ABHD1: variants seen among roughly 807,000 people sequenced by gnomAD.
ABHD1 encodes abhydrolase domain containing 1.
A neutral mutation model predicts 41.4 loss-of-function variants in ABHD1; 47 were observed. The observed-to-expected ratio is 1.13, with a 90% confidence interval of 0.90 to 1.45. ABHD1 has a LOEUF of 1.45. Ranked by LOEUF, ABHD1 falls within the 40% of genes most tolerant of loss-of-function variation. The probability of loss-of-function intolerance (pLI) is 0.00; values close to 1 mark genes in which losing one functional copy is unlikely to be tolerated. For missense variants in ABHD1, 550 were observed against 503.4 expected (o/e 1.09, Z -0.89); for synonymous variants, 205 against 203.7 (o/e 1.01, Z -0.05).
chr2:27,124,654 G>C (rs1671882434), intron 1 of ABHD1: 2 of 199,744 alleles, frequency 1.0e-5, no homozygotes, highest in Non-Finnish European at 2.1e-5. Context: ...CTGAAATTTA[G>C]ATATATACAT....
At chr2:27,129,216 T>C in intron 3 of ABHD1, 89 bp downstream of exon 3, 4 of 1,594,242 alleles carry the variant, frequency 2.5e-6, no homozygotes, top group Non-Finnish European at 2.6e-6. Context: ...ATAAGAAGAA[T>C]GCTACACAAA....
intron 1 of ABHD1, chr2:27,124,449 A>AC (rs1253547677): frequency 1.7e-5 from 6 of 359,804 alleles, no homozygotes; most frequent in East Asian, 1.5e-4. Context: ...AATACCACCC[A>AC]CCCCCCAAAT....
intron 2 of ABHD1, 28 bp downstream of exon 2, chr2:27,128,629 T>C: frequency 6.2e-7 from 1 of 1,608,422 alleles, no homozygotes; most frequent in Non-Finnish European, 8.5e-7. Context: ...AGGGTGAACA[T>C]GAAACCCCAG....
In ABHD1 at chr2:27,130,574, C is replaced by T; in HGVS notation, c.1048C>T (p.Leu350=). 1 of 1,614,236 alleles carries T rather than the reference C, an allele frequency of 6.2e-7. No homozygotes were observed. Among genetic ancestry groups the T allele is most frequent in the Non-Finnish European group, 8.5e-7 (1 of 1,180,058 alleles). The change falls in exon 9 of 9, where the codon CTG becomes TTG. Residue 350 remains leucine (L), a synonymous_variant. Coordinates refer to ENST00000316470, the MANE Select transcript of ABHD1 (RefSeq NM_032604.4). ...QAAQHSPYVA[L]LITARGGHIG... ...CGCCCAACACTCCCCCTACGTTGCG[C>T]TGCTCATCACAGCCCGGGGTGGCCA...
chr2:27,128,121 T>C (rs1672049935), intron 1 of ABHD1, among the ~76,000 whole-genome samples: 1 of 152,140 alleles, frequency 6.6e-6, no homozygotes, highest in African/African-American at 2.4e-5. Flanking sequence ...GCTGTTTACA[T>C]CACCTGCTCT....
rs1476601241 is a variant in ABHD1, at chr2:27,128,518, C to T, written c.192C>T (p.Tyr64=). The change falls in exon 2 of 9, where the codon TAC becomes TAT. Residue 64 remains tyrosine (Y), a synonymous_variant. Transcript: ENST00000316470. ...PHCSITTETF[Y]PTLWCFEGRL... ...GTTCCATCACCACCGAGACTTTCTA[C>T]CCAACGCTGTGGTGTTTTGAGGGGC... 1.9e-6 allele frequency: 3 copies of T among 1,614,038 alleles called. No homozygotes were observed. The highest frequency in any genetic ancestry group is 1.3e-5 in the African/African-American group (1 of 74,922).
chr2:27,130,489 C>A lies in ABHD1; in HGVS notation c.1007-44C>A, dbSNP rs776261316. The stretch of plus-strand genomic sequence containing the variant: ...TGAGGGACGCAACAGACAGCCTGGG[C>A]TCCCAGTGAAGGCCAGTGTTTCTAA... On this transcript the variant is annotated intron_variant, in intron 8 of 8. Coordinates refer to ENST00000316470, the MANE Select transcript of ABHD1 (RefSeq NM_032604.4). 4 of 1,611,580 alleles carry A rather than the reference C, an allele frequency of 2.5e-6. No individual in the cohort carries two copies. The South Asian group carries it at 3.3e-5, about 13-fold the overall frequency.
chr2:27,130,443 G>A (rs1254321386), intron 8 of ABHD1, 27 bp downstream of exon 8: 1 of 1,613,534 alleles, frequency 6.2e-7, no homozygotes, highest in East Asian at 2.2e-5. Context: ...AGGACACTTT[G>A]GCCCCAAGGA....
rs1201024901 is a variant in ABHD1 at position 27,129,636 on chromosome 2, G to C, written c.617+10G>C. On this transcript the variant is annotated intron_variant, in intron 5 of 8. Coordinates refer to ENST00000316470, the MANE Select transcript of ABHD1 (RefSeq NM_032604.4). ...GCATCTCTTTTGGAGGGTAAAGATT[G>C]CCTGGGCTTAGCCCAGAGGCCCAGT... 4 of 1,611,756 alleles carry C rather than the reference G, an allele frequency of 2.5e-6. No homozygotes were observed. The East Asian group carries it at 6.7e-5, about 27-fold the overall frequency.
chr2:27,127,541 G>A lies in ABHD1; in HGVS notation c.115-900G>A, dbSNP rs1485626815. Reference sequence around the variant, plus strand: ...TGCACTCCAGCCTGGGCAACAGAGCGAGACTCTGTCTCAAAAAAAAAAAAA... The same window carrying A: ...TGCACTCCAGCCTGGGCAACAGAGCAAGACTCTGTCTCAAAAAAAAAAAAA... On this transcript the variant is annotated intron_variant, in intron 1 of 8. Coordinates refer to ENST00000316470, the MANE Select transcript of ABHD1 (RefSeq NM_032604.4). 2.7e-3 allele frequency among the ~76,000 whole-genome samples: 276 copies of A among 103,544 alleles called. 1 individual carries two copies. Among genetic ancestry groups the A allele is most frequent in the African/African-American group, 0.01 (256 of 25,014 alleles). 67.9% of individuals were successfully genotyped at this position (103,544 alleles called of 152,430 possible). A position where few individuals can be genotyped will look rare whatever the true frequency, so the allele number is the denominator to read the frequency against.
In ABHD1 at chr2:27,129,831, G is replaced by C; in HGVS notation, c.695G>C (p.Trp232Ser). ...LVAALTLSACWDSFETTRSLE... is the reference protein window; with the variant it reads ...LVAALTLSACSDSFETTRSLE... Reference sequence around the variant, plus strand: ...GCAGCACTGACTCTGTCTGCATGCTGGGATTCCTTTGAGACCACTCGCTCC... The same window carrying C: ...GCAGCACTGACTCTGTCTGCATGCTCGGATTCCTTTGAGACCACTCGCTCC... Residue 232 changes from tryptophan (W) to serine (S), a missense_variant, in exon 6 of 9, where the codon TGG becomes TCG. By Grantham distance (177) the Trp-to-Ser change is radical. Coordinates refer to ENST00000316470, the MANE Select transcript of ABHD1 (RefSeq NM_032604.4). 1 of 1,614,190 alleles carries C rather than the reference G, an allele frequency of 6.2e-7. No homozygotes were observed. Among genetic ancestry groups the C allele is most frequent in the Non-Finnish European group, 8.5e-7 (1 of 1,180,036 alleles).
Position 27,123,986 on chromosome 2 carries a change from G to C in ABHD1, c.38G>C (p.Trp13Ser). ...SSFLSPQNGT[W>S]ADTFSLLLAL... ...TTCCTGAGCCCCCAGAATGGCACCTGGGCAGACACCTTCTCTCTGCTCTTG... is the reference window on the plus strand; with the variant it reads ...TTCCTGAGCCCCCAGAATGGCACCTCGGCAGACACCTTCTCTCTGCTCTTG... Residue 13 changes from tryptophan (W) to serine (S), a missense_variant, in exon 1 of 9, where the codon TGG becomes TCG. Trp to Ser is a radical substitution (Grantham distance 177, BLOSUM62 -3). Coordinates refer to ENST00000316470, the MANE Select transcript of ABHD1 (RefSeq NM_032604.4). The C allele has an allele frequency of 6.2e-7, 1 of 1,614,238 alleles. No individual in the cohort carries two copies. Among genetic ancestry groups the C allele is most frequent in the Non-Finnish European group, 8.5e-7 (1 of 1,180,044 alleles).
chr2:27,126,696 A>C (rs987131809), intron 1 of ABHD1: 6 of 152,134 alleles, frequency 3.9e-5, no homozygotes, highest in South Asian at 2.1e-4. Context: ...CCTTCCCCCT[A>C]GCTGGCATGA....
Position 27,128,659 on chromosome 2 carries a change from T to C in ABHD1, c.275+58T>C, listed in dbSNP as rs1008224730. 1.1e-5 allele frequency: 17 copies of C among 1,594,976 alleles called. No homozygotes were observed. In the African/African-American group the frequency reaches 2.0e-4, roughly 19 times the overall value. On this transcript the variant is annotated intron_variant, in intron 2 of 8. Transcript: ENST00000316470. The stretch of plus-strand genomic sequence containing the variant: ...CCCCAGGTATCTAGGGAAAAACCTA[T>C]CTACCACTTTTAAAATGTAGGTAAT...
Position 27,123,875 on chromosome 2 carries a change from G to A in ABHD1, c.-74G>A, listed in dbSNP as rs966988102. On this transcript the variant is annotated 5_prime_UTR_variant, in exon 1 of 9. Coordinates refer to ENST00000316470, the MANE Select transcript of ABHD1 (RefSeq NM_032604.4). The stretch of plus-strand genomic sequence containing the variant: ...GCACAGGCCGCCTATGGCGGGCGGC[G>A]GGTGGGACCGCGAGTTACAGCCGGC... 20 of 1,250,144 alleles carry A rather than the reference G, an allele frequency of 1.6e-5. No individual in the cohort carries two copies. Among genetic ancestry groups the A allele is most frequent in the Non-Finnish European group, 9.0e-6 (8 of 892,806 alleles). The allele number at this position is 1,250,144 out of a possible 1,614,324, so 77.4% of individuals were successfully genotyped here. A position where few individuals can be genotyped will look rare whatever the true frequency, so the allele number is the denominator to read the frequency against.
intron 1 of ABHD1, among the ~76,000 whole-genome samples, chr2:27,128,010 G>A (rs1251262289): frequency 1.3e-5 from 2 of 151,972 alleles, no homozygotes; most frequent in African/African-American, 2.4e-5. Context: ...GTACAGTGGT[G>A]CTATCATAGC....
chr2:27,127,207 G>A (rs1309528612), intron 1 of ABHD1, among the ~76,000 whole-genome samples: 1 of 141,420 alleles, frequency 7.1e-6, no homozygotes, highest in African/African-American at 2.5e-5. Context: ...GCCAGAGTCA[G>A]TCTTAGGAAG....
At chr2:27,129,150 A>G (rs761882369) in intron 3 of ABHD1, 23 bp downstream of exon 3, 1 of 1,606,826 alleles carries the variant, frequency 6.2e-7, no homozygotes, top group Non-Finnish European at 8.5e-7. Context: ...GCAGCCCCAG[A>G]GTGGGGTGGC....
At chr2:27,128,177 G>T (rs1672053771) in intron 1 of ABHD1, among the ~76,000 whole-genome samples, 1 of 152,200 alleles carries the variant, frequency 6.6e-6, no homozygotes, top group African/African-American at 2.4e-5. Flanking sequence ...AGGAAAGTCA[G>T]CACTCAGTCA....
Sources: allele counts gnomAD v4.1 joint callset (sites outside exome capture counted in the v4.1 genomes callset), GRCh38; gene constraint gnomAD v4.1.1; transcripts MANE v1.5; gene names NCBI Gene and HGNC (gene_info 2026-07-23, HGNC 2026-07-21).